The following GRID1 variants were observed in gnomAD, a reference collection of about 807,000 sequenced individuals.
GRID1 encodes glutamate ionotropic receptor delta type subunit 1.
GRID1 carries 28 observed loss-of-function variants against 98.0 expected under a neutral mutation model. That is an observed-to-expected ratio of 0.29 (90% CI 0.21 to 0.39). GRID1 has a LOEUF of 0.39. Among genes scored for constraint, GRID1 ranks in the 10% least tolerant of loss-of-function variants. The probability of loss-of-function intolerance (pLI) is 1.00; values close to 1 mark genes in which losing one functional copy is unlikely to be tolerated. For synonymous variants in GRID1, 553 were observed against 538.5 expected (o/e 1.03, Z -0.37); for missense variants, 1,111 against 1,340.5 (o/e 0.83, Z 2.67).
intron 2 of GRID1, among the ~76,000 whole-genome samples, chr10:86,287,636 T>C (rs1223078777): frequency 6.6e-6 from 1 of 152,176 alleles, no homozygotes; most frequent in Non-Finnish European, 1.5e-5. Flanking sequence ...GGGCTGGTTG[T>C]GCCCCTCCAC....
At chr10:85,734,950 T>G (rs1268105899) in intron 8 of GRID1, among the ~76,000 whole-genome samples, 2 of 152,096 alleles carry the variant, frequency 1.3e-5, no homozygotes, top group African/African-American at 4.8e-5. Context: ...CCCTCCCCCA[T>G]CCTGAGGGGG....
chr10:86,104,964 C>A (rs1396606757), intron 4 of GRID1, among the ~76,000 whole-genome samples: 1 of 151,226 alleles, frequency 6.6e-6, no homozygotes, highest in Non-Finnish European at 1.5e-5. Context: ...AGGCCTCGTG[C>A]CCCCATGTGC....
At chr10:86,000,240 GT>G (rs1485548160) in intron 4 of GRID1, among the ~76,000 whole-genome samples, 7 of 152,080 alleles carry the variant, frequency 4.6e-5, no homozygotes, top group Admixed American at 3.9e-4. Flanking sequence ...GGAAAAAAAA[GT>G]TATAAAACTA....
At chr10:86,214,170 C>T (rs1406686795) in intron 2 of GRID1, among the ~76,000 whole-genome samples, 1 of 152,156 alleles carries the variant, frequency 6.6e-6, no homozygotes, top group Non-Finnish European at 1.5e-5. Context: ...TTCCCACTGG[C>T]CTTAAAACAA....
At chr10:85,721,265 CACGCTGGA>C (rs774364152) in intron 12 of GRID1, among the ~76,000 whole-genome samples, 6 of 152,292 alleles carry the variant, frequency 3.9e-5, no homozygotes, top group Non-Finnish European at 8.8e-5. Flanking sequence ...ATGATACAGA[CACGCTGGA>C]AAGCAGTTTG....
intron 8 of GRID1, among the ~76,000 whole-genome samples, chr10:85,803,280 T>C (rs1433936918): frequency 1.3e-5 from 2 of 152,130 alleles, no homozygotes; most frequent in Admixed American, 6.6e-5. Flanking sequence ...AGAGGATGGA[T>C]ACATTCCCCA....
At chr10:86,165,870 G>C (rs937754294) in intron 3 of GRID1, among the ~76,000 whole-genome samples, 1 of 152,182 alleles carries the variant, frequency 6.6e-6, no homozygotes, top group Non-Finnish European at 1.5e-5. Context: ...CAGGAGGTAA[G>C]ACTCACTCCT....
intron 8 of GRID1, among the ~76,000 whole-genome samples, chr10:85,736,245 AAGGAG>A (rs1007535589): frequency 2.7e-5 from 4 of 145,898 alleles, no homozygotes; most frequent in Non-Finnish European, 6.0e-5. Flanking sequence ...GGAGGGAAGG[AAGGAG>A]AGAAGGAAGG....
At chr10:85,946,655 G>A (rs1038555191) in intron 4 of GRID1, among the ~76,000 whole-genome samples, 1 of 152,158 alleles carries the variant, frequency 6.6e-6, no homozygotes, top group Non-Finnish European at 1.5e-5. Context: ...CTGCTCCCAG[G>A]GCCAAGGCCA....
chr10:86,332,389 C>T (rs1284905982), intron 2 of GRID1, among the ~76,000 whole-genome samples: 1 of 152,112 alleles, frequency 6.6e-6, no homozygotes, highest in East Asian at 1.9e-4. Flanking sequence ...CCAACCCTCT[C>T]CCTGCAGCTC....
At chr10:86,203,056 C>T (rs1796410745) in intron 3 of GRID1, among the ~76,000 whole-genome samples, 1 of 152,122 alleles carries the variant, frequency 6.6e-6, no homozygotes, top group South Asian at 2.1e-4. Flanking sequence ...TCATTTTCCT[C>T]ATCTGTAAAA....
At chr10:85,990,308 A>C (rs576592156) in intron 4 of GRID1, among the ~76,000 whole-genome samples, 3 of 152,324 alleles carry the variant, frequency 2.0e-5, no homozygotes, top group Non-Finnish European at 4.4e-5. Context: ...TAAGCCAGTA[A>C]ATGAATTTTA....
At chr10:85,843,751 C>T (rs1244398904) in intron 8 of GRID1, among the ~76,000 whole-genome samples, 1 of 152,002 alleles carries the variant, frequency 6.6e-6, no homozygotes, top group Non-Finnish European at 1.5e-5. Context: ...AAGATATCTC[C>T]ATGCAATTAT....
At position 85,916,150 on chromosome 10, in the gene GRID1, T is replaced by C. The variant is rs979646796; in HGVS notation, c.780+36A>G. The C allele has an allele frequency of 2.0e-6, 3 of 1,525,188 alleles. No individual in the cohort carries two copies. The African/African-American group carries it at 4.1e-5, about 21-fold the overall frequency. 94.5% of individuals were successfully genotyped at this position (1,525,188 alleles called of 1,614,324 possible). On this transcript the variant is annotated intron_variant, in intron 5 of 15. Transcript: ENST00000327946. This position sits in a 1 kb window ranked among gnomAD's most constrained non-coding sequence, Gnocchi z 4.0. ...GCTTTACAAGGGGCTAGGGGCTCAG[T>C]CCAGGCCGTGCTCATCACATTTCTA...
intron 8 of GRID1, among the ~76,000 whole-genome samples, chr10:85,819,569 A>G (rs1842744136): frequency 6.6e-6 from 1 of 152,332 alleles, no homozygotes; most frequent in South Asian, 2.1e-4. Context: ...TGAGAAGGGT[A>G]CCAGGTGGTG....
chr10:85,700,488 A>C (rs1006018618), intron 12 of GRID1, among the ~76,000 whole-genome samples: 7 of 152,216 alleles, frequency 4.6e-5, no homozygotes, highest in African/African-American at 1.7e-4. Context: ...TAGGATTTTT[A>C]AACAAAGTAT....
chr10:85,882,367 C>A (rs1229938723), intron 5 of GRID1, among the ~76,000 whole-genome samples: 2 of 152,110 alleles, frequency 1.3e-5, no homozygotes, highest in South Asian at 2.1e-4. Context: ...AGACTTGGAA[C>A]CAACCCAAAT....
intron 8 of GRID1, among the ~76,000 whole-genome samples, chr10:85,767,952 A>G (rs1379562760): frequency 6.6e-6 from 1 of 152,238 alleles, no homozygotes; most frequent in East Asian, 1.9e-4. Context: ...GCAGAAAAAA[A>G]TCCTGTTGAC....
chr10:85,708,113 T>TAAA (rs768805148), intron 12 of GRID1, among the ~76,000 whole-genome samples: 4 of 120,920 alleles, frequency 3.3e-5, no homozygotes, highest in African/African-American at 5.5e-5. Flanking sequence ...TAAAGTATAA[T>TAAA]AAAAAAAAAA....
Sources: gnomAD v4.1 joint callset for allele counts (sites outside exome capture counted in the v4.1 genomes callset) on GRCh38, gnomAD v4.1.1 for gene constraint, Gnocchi (gnomAD v3.1) non-coding constraint, MANE v1.5 for transcripts, NCBI Gene and HGNC (gene_info 2026-07-23, HGNC 2026-07-21) for gene names.